The following GPC6 variants were observed in gnomAD, a reference collection of about 807,000 sequenced individuals.
GPC6 encodes glypican 6.
In GPC6, 14 loss-of-function variants were observed where a neutral mutation model predicts 55.2. The observed-to-expected ratio is 0.25, with a 90% CI of 0.17 to 0.40. The LOEUF is 0.40. GPC6 is among the 10% of genes least tolerant of loss of function. The pLI is 1.00. For synonymous variants in GPC6, 278 were observed against 259.6 expected (o/e 1.07, Z -0.68); for missense variants, 641 against 708.5 (o/e 0.90, Z 1.08).
chr13:94,013,399 G>T (rs1394296638), intron 3 of GPC6, among the ~76,000 whole-genome samples: 1 of 152,126 alleles, frequency 6.6e-6, no homozygotes, highest in Non-Finnish European at 1.5e-5. Context: ...TGCCCAGGCT[G>T]GAGTGCTATG....
At chr13:93,516,516 A>G (rs1323093714) in intron 1 of GPC6, among the ~76,000 whole-genome samples, 6 of 152,118 alleles carry the variant, frequency 3.9e-5, no homozygotes, top group Admixed American at 3.3e-4. Context: ...ATTTTTCAAG[A>G]GACAGGCATA....
At chr13:94,209,457 A>G (rs973707942) in intron 4 of GPC6, among the ~76,000 whole-genome samples, 1 of 152,362 alleles carries the variant, frequency 6.6e-6, no homozygotes, top group South Asian at 2.1e-4. Context: ...CCTCATAAGT[A>G]AATCTATATT....
Position 93,885,912 on chromosome 13 carries a change from C to T in GPC6, c.711+55367C>T, listed in dbSNP as rs148876448. On this transcript the variant is annotated intron_variant, in intron 3 of 8. Coordinates refer to ENST00000377047, the MANE Select transcript of GPC6 (RefSeq NM_005708.5). Reference sequence around the variant, plus strand: ...GCTTGAAGAGAGATGAGATTTATGCCGGTGATGCAGGTGGTTGGTATATTC... The same window carrying T: ...GCTTGAAGAGAGATGAGATTTATGCTGGTGATGCAGGTGGTTGGTATATTC... Among the ~76,000 whole-genome samples the T allele has an allele frequency of 3.4e-3, 512 of 152,030 alleles. 3 individuals carry two copies. Among genetic ancestry groups the T allele is most frequent in the Non-Finnish European group, 4.6e-3 (311 of 67,968 alleles).
At chr13:93,402,957 A>C (rs984613692) in intron 1 of GPC6, among the ~76,000 whole-genome samples, 6 of 152,152 alleles carry the variant, frequency 3.9e-5, no homozygotes, top group Non-Finnish European at 8.8e-5. Flanking sequence ...AATTTTTTTA[A>C]AAAAATTATG....
rs74667188 is a variant in GPC6, at chr13:93,460,217, G to A, written c.161-85046G>A. On this transcript the variant is annotated intron_variant, in intron 1 of 8. Transcript: ENST00000377047. ...ATGGATTTCCTGCCCTTGAGGCTGT[G>A]GCAGCCAAGCTGATATCATACTGTA... 8.2e-3 allele frequency among the ~76,000 whole-genome samples: 1,247 copies of A among 152,300 alleles called. 19 individuals carry two copies. Among genetic ancestry groups the A allele is most frequent in the African/African-American group, 0.028 (1,170 of 41,570 alleles).
At chr13:93,263,771 T>C (rs960401061) in intron 1 of GPC6, among the ~76,000 whole-genome samples, 1 of 152,224 alleles carries the variant, frequency 6.6e-6, no homozygotes, top group Non-Finnish European at 1.5e-5. Flanking sequence ...AACCACACTA[T>C]AGTTAATGTC....
chr13:93,715,094 C>G (rs1363435431), intron 2 of GPC6, among the ~76,000 whole-genome samples: 2 of 151,558 alleles, frequency 1.3e-5, no homozygotes, highest in African/African-American at 4.8e-5. Context: ...GGTCTTGTGA[C>G]CTGTTGTCTT....
chr13:93,742,540 G>C (rs182564517), intron 2 of GPC6, among the ~76,000 whole-genome samples: 1 of 152,202 alleles, frequency 6.6e-6, no homozygotes, highest in Admixed American at 6.5e-5. Flanking sequence ...ATGTGGGCCA[G>C]ATGACAAGAC....
chr13:93,923,379 C>T (rs899902361), intron 3 of GPC6, among the ~76,000 whole-genome samples: 4 of 152,042 alleles, frequency 2.6e-5, no homozygotes, highest in Admixed American at 6.6e-5. Context: ...ACAGATGATT[C>T]GGTGACTGGG....
intron 4 of GPC6, among the ~76,000 whole-genome samples, chr13:94,139,403 C>T (rs1205330658): frequency 6.6e-6 from 1 of 152,104 alleles, no homozygotes; most frequent in Non-Finnish European, 1.5e-5. Context: ...TATCCAGTTC[C>T]CCCACCTTAG....
intron 4 of GPC6, among the ~76,000 whole-genome samples, chr13:94,170,247 A>G (rs1888512925): frequency 6.6e-6 from 1 of 152,156 alleles, no homozygotes; most frequent in Non-Finnish European, 1.5e-5. Flanking sequence ...AAGGAAGAGC[A>G]GATAAAAATC....
At chr13:94,108,497 C>G (rs1393656730) in intron 4 of GPC6, among the ~76,000 whole-genome samples, 2 of 152,028 alleles carry the variant, frequency 1.3e-5, no homozygotes, top group African/African-American at 4.8e-5. Context: ...ACTCATGTAA[C>G]CAAATGCCAC....
chr13:94,378,270 T>G (rs1879992323), intron 6 of GPC6, among the ~76,000 whole-genome samples: 1 of 152,224 alleles, frequency 6.6e-6, no homozygotes, highest in East Asian at 1.9e-4. Flanking sequence ...ACTTAGTTTT[T>G]TCCTCTATTG....
chr13:93,934,676 T>A, intron 3 of GPC6, among the ~76,000 whole-genome samples: 1 of 151,284 alleles, frequency 6.6e-6, no homozygotes, highest in Non-Finnish European at 1.5e-5. Flanking sequence ...ATCATCTGAA[T>A]GTTTTATATA....
chr13:94,130,873 A>G (rs1886980023), intron 4 of GPC6, among the ~76,000 whole-genome samples: 1 of 152,172 alleles, frequency 6.6e-6, no homozygotes, highest in Non-Finnish European at 1.5e-5. Flanking sequence ...CTGTTTTTAT[A>G]ACATATGGAC....
At chr13:93,597,789 G>A (rs963559375) in intron 2 of GPC6, among the ~76,000 whole-genome samples, 5 of 152,116 alleles carry the variant, frequency 3.3e-5, no homozygotes, top group Non-Finnish European at 7.4e-5. Context: ...TTGATTGTTC[G>A]TCTTATCAGT....
At chr13:93,670,713 A>G (rs181124840) in intron 2 of GPC6, among the ~76,000 whole-genome samples, 7 of 152,360 alleles carry the variant, frequency 4.6e-5, no homozygotes, top group African/African-American at 1.4e-4. Flanking sequence ...GCTTCAGAAG[A>G]CTGCTCTCAC....
intron 1 of GPC6, among the ~76,000 whole-genome samples, chr13:93,453,896 C>G (rs1878327600): frequency 6.6e-6 from 1 of 152,132 alleles, no homozygotes; most frequent in Non-Finnish European, 1.5e-5. Flanking sequence ...CCTGAGCGGG[C>G]TGCCACTGCT....
chr13:93,852,106 G>T lies in GPC6; in HGVS notation c.711+21561G>T, dbSNP rs1446588630. On this transcript the variant is annotated intron_variant, in intron 3 of 8. Coordinates refer to ENST00000377047, the MANE Select transcript of GPC6 (RefSeq NM_005708.5). ...TCAAATTTAAACACTGTAATATTCT[G>T]TATTATAAACATGATGATACTAATT... is the stretch of plus-strand genomic sequence containing the variant. 1.3e-5 allele frequency among the ~76,000 whole-genome samples: 2 copies of T among 151,646 alleles called. 1 individual carries two copies. The highest frequency in any genetic ancestry group is 6.3e-3 in the Middle Eastern group (2 of 316).
Sources: gnomAD v4.1 joint callset for allele counts (sites outside exome capture counted in the v4.1 genomes callset) on GRCh38, gnomAD v4.1.1 for gene constraint, MANE v1.5 for transcripts, NCBI Gene and HGNC (gene_info 2026-07-23, HGNC 2026-07-21) for gene names.